The following RPTOR variants were observed in gnomAD, a reference collection of about 807,000 sequenced individuals.
The protein encoded by RPTOR is regulatory-associated protein of mTOR.
A neutral mutation model predicts 169.9 loss-of-function variants in RPTOR; 21 were observed. That is an observed-to-expected ratio of 0.12 (90% confidence interval 0.09 to 0.18). RPTOR has a LOEUF of 0.18. Among genes scored for constraint, RPTOR ranks in the 10% least tolerant of loss-of-function variants. RPTOR has a pLI of 1.00. For synonymous variants in RPTOR, 732 were observed against 753.2 expected, an observed-to-expected ratio of 0.97 and a Z score of 0.46; for missense variants, 1,133 against 1,855.9, an observed-to-expected ratio of 0.61 and a Z score of 7.16.
intron 2 of RPTOR, among the ~76,000 whole-genome samples, chr17:80,638,725 C>T (rs1339609914): frequency 2.0e-5 from 3 of 152,210 alleles, no homozygotes; most frequent in African/African-American, 7.2e-5. Flanking sequence ...GCCCACCTCT[C>T]TCCTGTATCT....
chr17:80,595,698 C>A (rs2065139710), intron 1 of RPTOR, among the ~76,000 whole-genome samples: 1 of 152,210 alleles, frequency 6.6e-6, no homozygotes, highest in Non-Finnish European at 1.5e-5. Flanking sequence ...CTCAAGCAAT[C>A]CTCCAACTTC....
rs561665919 is a variant in RPTOR at position 80,824,311 on chromosome 17, G to A, written c.1136+1088G>A. 2.6e-4 allele frequency among the ~76,000 whole-genome samples: 39 copies of A among 152,270 alleles called. No homozygotes were observed. In the South Asian group the frequency reaches 7.5e-3, roughly 29 times the overall value. On this transcript the variant is annotated intron_variant, in intron 9 of 33. Coordinates refer to ENST00000306801, the MANE Select transcript of RPTOR (RefSeq NM_020761.3). ...TAGAGAACCCTGATAAGGAGAAAAGGAAATTGAAGTAAACCATTTAAATAA... is the reference window on the plus strand; with the variant it reads ...TAGAGAACCCTGATAAGGAGAAAAGAAAATTGAAGTAAACCATTTAAATAA...
intron 3 of RPTOR, among the ~76,000 whole-genome samples, chr17:80,686,252 T>C (rs1388052501): frequency 2.6e-5 from 4 of 151,070 alleles, no homozygotes; most frequent in Admixed American, 6.6e-5. Flanking sequence ...GGTGGCACGA[T>C]CTCGGCTCAC....
intron 1 of RPTOR, among the ~76,000 whole-genome samples, chr17:80,558,355 A>G (rs1305004852): frequency 6.6e-6 from 1 of 152,218 alleles, no homozygotes; most frequent in Non-Finnish European, 1.5e-5. Context: ...GTGACTGCAG[A>G]GAATTGTCAT....
intron 6 of RPTOR, among the ~76,000 whole-genome samples, chr17:80,764,408 A>G (rs1405477534): frequency 6.7e-6 from 1 of 148,226 alleles, no homozygotes; most frequent in Non-Finnish European, 1.5e-5. Context: ...GAGAACATGC[A>G]GTGTTTGGTT....
chr17:80,811,501 T>A (rs56076778), intron 7 of RPTOR, among the ~76,000 whole-genome samples: 5,516 of 152,282 alleles, frequency 0.036, 148 homozygotes, highest in East Asian at 0.07. Context: ...TCATCTCACA[T>A]GTGTTCTTCT....
intron 6 of RPTOR, among the ~76,000 whole-genome samples, chr17:80,766,862 G>C (rs1364207673): frequency 1.3e-5 from 2 of 152,010 alleles, no homozygotes; most frequent in Non-Finnish European, 2.9e-5. Flanking sequence ...TAAACCCTAA[G>C]TAAGTAGAAG....
chr17:80,823,027 A>G lies in RPTOR; in HGVS notation c.992-52A>G. 6.4e-7 allele frequency: 1 copy of G among 1,573,030 alleles called. No individual in the cohort carries two copies. Among genetic ancestry groups the G allele is most frequent in the Non-Finnish European group, 8.6e-7 (1 of 1,159,032 alleles). On this transcript the variant is annotated intron_variant, in intron 8 of 33. Transcript: ENST00000306801. The surrounding 1 kb of genome is among the most constrained non-coding windows in gnomAD (Gnocchi z 4.5). ...AGTGAATTTGTGTATTTGGCTTTAAATGCTAGACACAAGTCACTGTAGACT... is the reference window on the plus strand; with the variant it reads ...AGTGAATTTGTGTATTTGGCTTTAAGTGCTAGACACAAGTCACTGTAGACT...
At chr17:80,922,564 C>G (rs547878302) in intron 21 of RPTOR, among the ~76,000 whole-genome samples, 160 bp from the exon 22 acceptor site, 1 of 152,246 alleles carries the variant, frequency 6.6e-6, no homozygotes, top group Non-Finnish European at 1.5e-5. Context: ...ATTGCCTTTG[C>G]GGGGGATCCA....
rs144216207 is a variant in RPTOR, at chr17:80,726,292, C to G, written c.508-4268C>G. 6.6e-6 allele frequency among the ~76,000 whole-genome samples: 1 copy of G among 152,182 alleles called. No individual in the cohort carries two copies. Among genetic ancestry groups the G allele is most frequent in the Non-Finnish European group, 1.5e-5 (1 of 68,014 alleles). On this transcript the variant is annotated intron_variant, in intron 4 of 33. Transcript: ENST00000306801. The surrounding 1 kb of genome is among the most constrained non-coding windows in gnomAD (Gnocchi z 4.5). Reference sequence around the variant, plus strand: ...GCCCTGTGCCGTGCTGCCTCCTGGACGCACGCTAGGAGGTGGAGATGGTCC... The same window carrying G: ...GCCCTGTGCCGTGCTGCCTCCTGGAGGCACGCTAGGAGGTGGAGATGGTCC...
At chr17:80,586,487 A>C (rs1008766329) in intron 1 of RPTOR, among the ~76,000 whole-genome samples, 1 of 152,218 alleles carries the variant, frequency 6.6e-6, no homozygotes, top group Non-Finnish European at 1.5e-5. Context: ...AAAAGTAACA[A>C]AGAATTAAAA....
At chr17:80,640,063 C>T (rs1000113944) in intron 2 of RPTOR, among the ~76,000 whole-genome samples, 1 of 152,114 alleles carries the variant, frequency 6.6e-6, no homozygotes, top group Non-Finnish European at 1.5e-5. Flanking sequence ...GAAAATCTTG[C>T]AAATAGGAAA....
At chr17:80,738,022 G>A (rs892249371) in intron 5 of RPTOR, among the ~76,000 whole-genome samples, 3 of 152,194 alleles carry the variant, frequency 2.0e-5, no homozygotes, top group African/African-American at 4.8e-5. Flanking sequence ...TAAGAGGGTG[G>A]GGGGGCAGGG....
At chr17:80,619,014 A>G (rs2065335072) in intron 1 of RPTOR, among the ~76,000 whole-genome samples, 1 of 151,932 alleles carries the variant, frequency 6.6e-6, no homozygotes, top group Non-Finnish European at 1.5e-5. Context: ...TCTCTTTGCT[A>G]TGTGTTCTAG....
intron 17 of RPTOR, among the ~76,000 whole-genome samples, chr17:80,889,770 C>T (rs1466494028): frequency 2.0e-5 from 3 of 152,118 alleles, no homozygotes; most frequent in Admixed American, 1.3e-4. Context: ...GCCTCCAGAG[C>T]GAGGCCCGCC....
At chr17:80,611,903 G>C (rs2065274391) in intron 1 of RPTOR, among the ~76,000 whole-genome samples, 1 of 152,066 alleles carries the variant, frequency 6.6e-6, no homozygotes, top group African/African-American at 2.4e-5. Flanking sequence ...GTCCCACTTA[G>C]GTTTTGCTGA....
intron 6 of RPTOR, among the ~76,000 whole-genome samples, chr17:80,772,833 A>G (rs1448954043): frequency 2.0e-5 from 3 of 152,056 alleles, no homozygotes; most frequent in Non-Finnish European, 4.4e-5. Context: ...TTATAGTTCC[A>G]TTATCCTCAT....
rs150271049 is a variant in RPTOR at position 80,911,648 on chromosome 17, G to A, written c.2520+2719G>A. Among the ~76,000 whole-genome samples, 1,071 of 152,140 alleles carry A rather than the reference G, an allele frequency of 7.0e-3. 12 individuals are homozygous for A. Among genetic ancestry groups the A allele is most frequent in the African/African-American group, 0.025 (1,021 of 41,504 alleles). On this transcript the variant is annotated intron_variant, in intron 21 of 33. Coordinates refer to ENST00000306801, the MANE Select transcript of RPTOR (RefSeq NM_020761.3). ...AAATAGTAGCAAGTTAGCCGGGCAC[G>A]GTGGCAAGCACTTGTGGTCGCAGCT...
rs1166299648 is a variant in RPTOR at position 80,774,384 on chromosome 17, A to G, written c.831-17066A>G. On this transcript the variant is annotated intron_variant, in intron 6 of 33. Coordinates refer to ENST00000306801, the MANE Select transcript of RPTOR (RefSeq NM_020761.3). The stretch of plus-strand genomic sequence containing the variant: ...CACAATCCACAGAGTATTCTCCCTT[A>G]TGGTGTCACATTTGCTCTTACTAAT... The G allele has an allele frequency of 5.1e-6, 5 of 978,656 alleles. No homozygotes were observed. In the Admixed American group the frequency reaches 2.5e-4, roughly 48 times the overall value. 60.6% of individuals were successfully genotyped at this position (978,656 alleles called of 1,614,324 possible). A position where few individuals can be genotyped will look rare whatever the true frequency, so the allele number is the denominator to read the frequency against.
Sources: allele counts gnomAD v4.1 joint callset (sites outside exome capture counted in the v4.1 genomes callset), GRCh38; gene constraint gnomAD v4.1.1; non-coding constraint Gnocchi (gnomAD v3.1); transcripts MANE v1.5; gene names NCBI Gene and HGNC (gene_info 2026-07-23, HGNC 2026-07-21).